The following CNTNAP5 variants were observed in gnomAD, a reference collection of about 807,000 sequenced individuals.
The protein encoded by CNTNAP5 is contactin associated protein family member 5.
Under a neutral mutation model 150.2 loss-of-function variants are expected in CNTNAP5, and 72 were observed. That is an observed-to-expected ratio of 0.48 (90% CI 0.40 to 0.58). The LOEUF is 0.58. Ranked by LOEUF, CNTNAP5 falls within the 20% of genes least tolerant of loss-of-function variation. The probability of loss-of-function intolerance (pLI) is 0.00; values close to 1 mark genes in which losing one functional copy is unlikely to be tolerated. For missense variants in CNTNAP5, 1,636 were observed against 1,626.2 expected, an observed-to-expected ratio of 1.01 and a Z score of -0.10; for synonymous variants, 672 against 619.8, an observed-to-expected ratio of 1.08 and a Z score of -1.25.
At chr2:124,718,098 C>G (rs993141133) in intron 13 of CNTNAP5, among the ~76,000 whole-genome samples, 2 of 152,160 alleles carry the variant, frequency 1.3e-5, no homozygotes, top group Non-Finnish European at 2.9e-5. Flanking sequence ...AGAAGACTAA[C>G]AAATGTAAAG....
At chr2:124,304,829 C>T (rs1048742270) in intron 3 of CNTNAP5, among the ~76,000 whole-genome samples, 1 of 152,134 alleles carries the variant, frequency 6.6e-6, no homozygotes, top group Non-Finnish European at 1.5e-5. Flanking sequence ...CATTCAACCT[C>T]CATTGTTTGT....
At chr2:124,525,569 G>A (rs1694945725) in intron 9 of CNTNAP5, among the ~76,000 whole-genome samples, 1 of 152,202 alleles carries the variant, frequency 6.6e-6, no homozygotes, top group Non-Finnish European at 1.5e-5. Flanking sequence ...TGTGGTTAAA[G>A]CTTTAAAATG....
chr2:124,756,298 C>T (rs1328870432), intron 14 of CNTNAP5, among the ~76,000 whole-genome samples: 2 of 152,158 alleles, frequency 1.3e-5, no homozygotes, highest in African/African-American at 2.4e-5. Flanking sequence ...GAAATAGGAA[C>T]ACGTTTACAC....
rs764265618 is a variant in CNTNAP5 at position 124,434,541 on chromosome 2, A to G, written c.587A>G (p.Lys196Arg). The change falls in exon 5 of 24, where the codon AAG becomes AGG. Residue 196 changes from lysine to arginine, a missense_variant. Physicochemically the swap from Lys to Arg is conservative, Grantham distance 26. Transcript: ENST00000682447. The stretch of plus-strand genomic sequence containing the variant: ...TCACTTCTGTACAGGTTCAATCAGA[A>G]GTTGATGAGTACTCTCAAAGATGTG... ...RSSLLYRFNQ[K>R]LMSTLKDVIS... 3.1e-6 allele frequency: 5 copies of G among 1,613,880 alleles called. No individual in the cohort carries two copies. The highest frequency in any genetic ancestry group is 4.2e-6 in the Non-Finnish European group (5 of 1,179,860).
chr2:124,044,259 C>T (rs977962999), intron 1 of CNTNAP5, among the ~76,000 whole-genome samples: 1 of 152,120 alleles, frequency 6.6e-6, no homozygotes, highest in East Asian at 1.9e-4. Flanking sequence ...ATTATTCTTA[C>T]TTTTTAGATG....
At chr2:124,105,926 C>T (rs927488749) in intron 1 of CNTNAP5, among the ~76,000 whole-genome samples, 7 of 152,030 alleles carry the variant, frequency 4.6e-5, no homozygotes, top group East Asian at 1.9e-4. Flanking sequence ...TATTAGTCTA[C>T]GGAGGGTAAC....
chr2:124,225,419 A>C (rs1267232715), intron 2 of CNTNAP5, among the ~76,000 whole-genome samples: 5 of 152,182 alleles, frequency 3.3e-5, no homozygotes, highest in Non-Finnish European at 7.3e-5. Context: ...GAATAACTTC[A>C]GTGTTTTAGA....
chr2:124,784,512 G>C (rs1681523338), intron 17 of CNTNAP5, among the ~76,000 whole-genome samples: 1 of 152,090 alleles, frequency 6.6e-6, no homozygotes, highest in Non-Finnish European at 1.5e-5. Flanking sequence ...TGATACCAAG[G>C]GCCAACTGAA....
intron 8 of CNTNAP5, among the ~76,000 whole-genome samples, chr2:124,519,192 G>C (rs1243273015): frequency 6.6e-6 from 1 of 151,988 alleles, no homozygotes; most frequent in African/African-American, 2.4e-5. Flanking sequence ...GAGGTGCAGG[G>C]ATAAGGGGAT....
intron 10 of CNTNAP5, among the ~76,000 whole-genome samples, chr2:124,560,965 A>G (rs1339938262): frequency 2.6e-5 from 4 of 151,542 alleles, no homozygotes; most frequent in Non-Finnish European, 5.9e-5. Flanking sequence ...GGGGCCCAAA[A>G]CAACAAAAAA....
chr2:124,526,426 G>A (rs552111638), intron 9 of CNTNAP5, among the ~76,000 whole-genome samples: 6 of 152,234 alleles, frequency 3.9e-5, no homozygotes, highest in South Asian at 2.1e-4. Flanking sequence ...TATTAGAGAC[G>A]GCTGAAATAA....
chr2:124,840,587 A>G (rs773714502), intron 19 of CNTNAP5, among the ~76,000 whole-genome samples: 6 of 152,086 alleles, frequency 3.9e-5, no homozygotes, highest in Non-Finnish European at 8.8e-5. Context: ...AGGTGGACTC[A>G]GAGGCAGAAC....
At chr2:124,500,046 A>G (rs56822773) in intron 7 of CNTNAP5, among the ~76,000 whole-genome samples, 56,987 of 151,730 alleles carry the variant, frequency 0.38, 11,100 homozygotes, top group South Asian at 0.57. Flanking sequence ...GATGGAGCCA[A>G]GAGGAAGGAA....
intron 1 of CNTNAP5, among the ~76,000 whole-genome samples, chr2:124,065,420 G>A (rs1476581895): frequency 2.0e-5 from 3 of 151,334 alleles, no homozygotes; most frequent in African/African-American, 4.9e-5. Flanking sequence ...TGATGCAAAG[G>A]TAATTTATTT....
chr2:124,190,104 C>A (rs1019388497), intron 1 of CNTNAP5, among the ~76,000 whole-genome samples: 1 of 152,192 alleles, frequency 6.6e-6, no homozygotes, highest in Non-Finnish European at 1.5e-5. Context: ...TTAAAAATTA[C>A]AACCTTCATA....
chr2:124,333,731 G>A (rs7603847), intron 3 of CNTNAP5, among the ~76,000 whole-genome samples: 35,052 of 151,900 alleles, frequency 0.23, 4,194 homozygotes, highest in Middle Eastern at 0.29. Flanking sequence ...GGCAGAGCCC[G>A]GTAACAAATA....
chr2:124,752,596 C>G (rs1315375261), intron 14 of CNTNAP5, among the ~76,000 whole-genome samples: 1 of 152,092 alleles, frequency 6.6e-6, no homozygotes, highest in African/African-American at 2.4e-5. Context: ...GTTTTTCTAT[C>G]TCAGCCAAAT....
intron 1 of CNTNAP5, among the ~76,000 whole-genome samples, chr2:124,096,605 T>G (rs1033390727): frequency 1.8e-4 from 27 of 152,112 alleles, no homozygotes; most frequent in African/African-American, 6.3e-4. Context: ...TCATATATAT[T>G]CCAATGAACT....
rs541070276 is a variant in CNTNAP5 at position 124,092,630 on chromosome 2, G to A, written c.82+66898G>A. Among the ~76,000 whole-genome samples, 52 of 152,256 alleles carry A rather than the reference G, an allele frequency of 3.4e-4. 1 individual carries two copies. The South Asian group carries it at 4.4e-3, about 13-fold the overall frequency. On this transcript the variant is annotated intron_variant, in intron 1 of 23. Transcript: ENST00000682447. Reference sequence around the variant, plus strand: ...TTTCCTCAACATTTTTCTCTTTGCCGTAGTTCAATTTCTCAGACACTTGCC... The same window carrying A: ...TTTCCTCAACATTTTTCTCTTTGCCATAGTTCAATTTCTCAGACACTTGCC...
Sources: allele counts gnomAD v4.1 joint callset (sites outside exome capture counted in the v4.1 genomes callset), GRCh38; gene constraint gnomAD v4.1.1; transcripts MANE v1.5; gene names NCBI Gene and HGNC (gene_info 2026-07-23, HGNC 2026-07-21).